KRIT1: variants seen among roughly 807,000 people sequenced by gnomAD.
The protein encoded by KRIT1 is KRIT1 ankyrin repeat containing, also known as krev interaction trapped protein 1.
In KRIT1, 45 loss-of-function variants were observed where a neutral mutation model predicts 95.8. The ratio of observed to expected loss-of-function variants is 0.47; its 90% confidence interval spans 0.37 to 0.60. KRIT1 has a LOEUF of 0.60. KRIT1 is among the 20% of genes least tolerant of loss of function. The pLI, the probability that KRIT1 is intolerant of heterozygous loss-of-function variation, is 0.00. For missense variants in KRIT1, 788 were observed against 877.5 expected (o/e 0.90, Z 1.29); for synonymous variants, 282 against 278.8 (o/e 1.01, Z -0.11).
At chr7:92,223,000 G>A (rs766521201) in intron 12 of KRIT1, 22 bp from the exon 13 acceptor site, 51 of 1,544,656 alleles carry the variant, frequency 3.3e-5, no homozygotes, top group Middle Eastern at 1.7e-4. Context: ...GATAACTTAC[G>A]TAACGAACTT....
At chr7:92,207,623 G>A (rs900016520) in intron 17 of KRIT1, among the ~76,000 whole-genome samples, 4 of 152,116 alleles carry the variant, frequency 2.6e-5, no homozygotes, top group African/African-American at 7.2e-5. Context: ...TTGGGAGGCC[G>A]AGGTGGTTGG....
intron 17 of KRIT1, among the ~76,000 whole-genome samples, chr7:92,204,797 A>AC (rs954451366): frequency 1.3e-5 from 2 of 151,960 alleles, no homozygotes; most frequent in Admixed American, 1.3e-4. Flanking sequence ...CCGGTTCCTT[A>AC]CAGGCCATGG....
intron 4 of KRIT1, 49 bp from the exon 5 acceptor site, chr7:92,241,201 C>A: frequency 7.7e-7 from 1 of 1,300,356 alleles, no homozygotes; most frequent in South Asian, 1.2e-5. Context: ...AGTCTACTTG[C>A]CCTAGAATAC....
intron 17 of KRIT1, among the ~76,000 whole-genome samples, chr7:92,212,912 T>TATTG (rs1441760207): frequency 1.3e-5 from 2 of 152,228 alleles, no homozygotes; most frequent in Non-Finnish European, 2.9e-5. Flanking sequence ...GCATATTACA[T>TATTG]ATTGTTCAGC....
At chr7:92,229,553 A>C (rs1208350608) in intron 10 of KRIT1, among the ~76,000 whole-genome samples, 5 of 152,218 alleles carry the variant, frequency 3.3e-5, no homozygotes, top group African/African-American at 1.2e-4. Flanking sequence ...GCTCAATATC[A>C]CTGATCATTA....
At chr7:92,245,287 GC>G (rs1388063658) in intron 1 of KRIT1, 116 bp from the exon 2 acceptor site, 2 of 152,126 alleles carry the variant, frequency 1.3e-5, no homozygotes, top group Non-Finnish European at 2.9e-5. Context: ...TAATCACTCT[GC>G]CTGGGAGGTT....
chr7:92,240,346 T>C (rs1426052146), intron 5 of KRIT1, among the ~76,000 whole-genome samples: 3 of 152,168 alleles, frequency 2.0e-5, no homozygotes, highest in Admixed American at 6.5e-5. Flanking sequence ...TAGAGAGGTA[T>C]GCTTTACTTC....
chr7:92,239,287 T>G (rs1369295690), intron 5 of KRIT1, among the ~76,000 whole-genome samples: 1 of 152,156 alleles, frequency 6.6e-6, no homozygotes, highest in East Asian at 1.9e-4. Flanking sequence ...CTCTTCCATA[T>G]CCCTCTGGGT....
chr7:92,230,587 A>ATTCTTTCC (rs1797074499), intron 10 of KRIT1, among the ~76,000 whole-genome samples: 3 of 152,342 alleles, frequency 2.0e-5, no homozygotes, highest in Admixed American at 6.5e-5. Flanking sequence ...AAAGGAAGGA[A>ATTCTTTCC]AGAAACAGGA....
chr7:92,208,050 AG>A (rs1198355466), intron 17 of KRIT1, among the ~76,000 whole-genome samples: 2 of 152,212 alleles, frequency 1.3e-5, no homozygotes, highest in Non-Finnish European at 2.9e-5. Flanking sequence ...CAGTAACAAA[AG>A]AAATTTTGGG....
At chr7:92,232,518 A>G (rs1015999039) in intron 10 of KRIT1, among the ~76,000 whole-genome samples, 12 of 150,748 alleles carry the variant, frequency 8.0e-5, no homozygotes, top group African/African-American at 2.9e-4. Flanking sequence ...AGAGGGGGAA[A>G]AAAAAAAAAA....
At chr7:92,208,113 G>A (rs1228479636) in intron 17 of KRIT1, among the ~76,000 whole-genome samples, 1 of 151,960 alleles carries the variant, frequency 6.6e-6, no homozygotes, top group African/African-American at 2.4e-5. Flanking sequence ...TGACCACTGG[G>A]TCAATTAAAA....
At position 92,241,192 on chromosome 7, in the gene KRIT1, G is replaced by C. The variant is rs768364548; in HGVS notation, c.103-40C>G. ...ACATTAAGAGAAAGCTTAAAATAAA[G>C]TCTACTTGCCCTAGAATACTACAAT... is the stretch of plus-strand genomic sequence containing the variant. On this transcript the variant is annotated intron_variant, in intron 4 of 18. Transcript: ENST00000394505. The C allele has an allele frequency of 3.5e-6, 5 of 1,437,804 alleles. No homozygotes were observed. In the African/African-American group the frequency reaches 5.6e-5, roughly 16 times the overall value. 89.1% of individuals were successfully genotyped at this position (1,437,804 alleles called of 1,614,324 possible).
At chr7:92,220,142 TATG>T (rs1794836610) in intron 14 of KRIT1, among the ~76,000 whole-genome samples, 1 of 152,330 alleles carries the variant, frequency 6.6e-6, no homozygotes, top group Admixed American at 6.5e-5. Flanking sequence ...TACCATTGAA[TATG>T]ATATTAGCTG....
At chr7:92,242,808 A>G (rs1324392224) in intron 3 of KRIT1, among the ~76,000 whole-genome samples, 1 of 152,126 alleles carries the variant, frequency 6.6e-6, no homozygotes, top group Non-Finnish European at 1.5e-5. Context: ...TTCCTTGATA[A>G]TCCAAATTTT....
chr7:92,225,924 G>A (rs1214383835), intron 11 of KRIT1, 97 bp from the exon 12 acceptor site: 1 of 729,258 alleles, frequency 1.4e-6, no homozygotes, highest in African/African-American at 1.7e-5. Flanking sequence ...ATAAAAAAGA[G>A]ACTCTTGTCA....
intron 10 of KRIT1, among the ~76,000 whole-genome samples, chr7:92,230,676 A>G (rs1797094414): frequency 6.6e-6 from 1 of 152,132 alleles, no homozygotes; most frequent in South Asian, 2.1e-4. Context: ...GGGAAAGAAG[A>G]AAGTAGGTGT....
intron 17 of KRIT1, among the ~76,000 whole-genome samples, chr7:92,208,095 C>T (rs894213694): frequency 1.2e-4 from 18 of 151,938 alleles, no homozygotes; most frequent in Non-Finnish European, 4.4e-5. Flanking sequence ...AAACAACATG[C>T]TCCTGAATGA....
In KRIT1 at chr7:92,236,486, T is replaced by C. The variant is rs764480666; in HGVS notation, c.412A>G (p.Ile138Val). Reference sequence around the variant, plus strand: ...CTGGATTCACTACAGACTCGCATAATATCTTGTAAGCAGTAAAAAATTGGG... The same window carrying C: ...CTGGATTCACTACAGACTCGCATAACATCTTGTAAGCAGTAAAAAATTGGG... ...GCPIFYCLQD[I>V]MRVCSESSTH... Residue 138 changes from isoleucine (I) to valine (V), a missense_variant, in exon 7 of 19, where the codon ATT (isoleucine) becomes GTT (valine). Physicochemically the swap from Ile to Val is conservative, Grantham distance 29. This residue lies in a region of KRIT1 where 289 missense variants were observed against 277.5 expected (regional missense o/e 1.04). Transcript: ENST00000394505. The C allele has an allele frequency of 1.9e-6, 3 of 1,589,686 alleles. No homozygotes were observed. The highest frequency in any genetic ancestry group is 1.7e-5 in the Admixed American group (1 of 59,964).
Sources: allele counts gnomAD v4.1 joint callset (sites outside exome capture counted in the v4.1 genomes callset), GRCh38; gene constraint gnomAD v4.1.1; regional missense constraint gnomAD v4.1.1; transcripts MANE v1.5; gene names NCBI Gene and HGNC (gene_info 2026-07-23, HGNC 2026-07-21).